CBY2: variants seen among roughly 807,000 people sequenced by gnomAD.
CBY2 encodes protein chibby homolog 2.
In CBY2, 23 loss-of-function variants were observed where a neutral mutation model predicts 25.3. The observed-to-expected ratio is 0.91, with a 90% CI of 0.65 to 1.29. The LOEUF (loss-of-function observed/expected upper bound fraction) is 1.29, where lower values mean the gene tolerates loss of function less well. Ranked by LOEUF, CBY2 falls within the 50% of genes most tolerant of loss-of-function variation. The probability of loss-of-function intolerance (pLI) is 0.00; values close to 1 mark genes in which losing one functional copy is unlikely to be tolerated. For missense variants in CBY2, 642 were observed against 590.7 expected, an observed-to-expected ratio of 1.09 and a Z score of -0.90; for synonymous variants, 279 against 260.2, an observed-to-expected ratio of 1.07 and a Z score of -0.70.
chr13:45,712,799 T>C (rs992322479), intron 2 of CBY2, among the ~76,000 whole-genome samples: 1 of 152,168 alleles, frequency 6.6e-6, no homozygotes, highest in Non-Finnish European at 1.5e-5. Context: ...TAGAGAAGTT[T>C]TGTTTGGGCA....
chr13:45,708,337 C>A (rs756529503), intron 2 of CBY2, among the ~76,000 whole-genome samples: 1 of 152,170 alleles, frequency 6.6e-6, no homozygotes, highest in African/African-American at 2.4e-5. Flanking sequence ...TTGCTGCCTG[C>A]GTTAATGCTT....
At position 45,714,525 on chromosome 13, in the gene CBY2, T is replaced by C; in HGVS notation, c.*153T>C. On this transcript the variant is annotated 3_prime_UTR_variant, in exon 3 of 3. Transcript: ENST00000310521. ...AGCCTTCCTAAACTCAGAGTTTTAA[T>C]AAAGGTGTGAGGAGGCTGGGGCCAG... The C allele has an allele frequency of 1.5e-6, 1 of 649,210 alleles. No individual in the cohort carries two copies. Among genetic ancestry groups the C allele is most frequent in the Admixed American group, 3.0e-5 (1 of 33,328 alleles). The allele number at this position is 649,210 out of a possible 1,614,324, so 40.2% of individuals were successfully genotyped here.
chr13:45,713,260 C>G lies in CBY2; in HGVS notation c.235C>G (p.Arg79Gly). ...CTGCGCGCAGCAGGCCGCCCTGCCCCGGCTGAGCCGCAGGATGGCGAGCCA... is the reference window on the plus strand; with the variant it reads ...CTGCGCGCAGCAGGCCGCCCTGCCCGGGCTGAGCCGCAGGATGGCGAGCCA... ...PRCAQQAALP[R>G]LSRRMASQHS... The change falls in exon 3 of 3, where the codon CGG becomes GGG. Residue 79 changes from arginine (R) to glycine (G), a missense_variant. Physicochemically the swap from Arg to Gly is moderately radical, Grantham distance 125. Transcript: ENST00000310521. This position sits in a 1 kb window ranked among gnomAD's most constrained non-coding sequence, Gnocchi z 5.0. 1 of 1,613,816 alleles carries G rather than the reference C, an allele frequency of 6.2e-7. No individual in the cohort carries two copies. The highest frequency in any genetic ancestry group is 8.5e-7 in the Non-Finnish European group (1 of 1,179,982).
chr13:45,713,904 C>A lies in CBY2; in HGVS notation c.879C>A (p.Ser293Arg). The A allele has an allele frequency of 6.5e-7, 1 of 1,534,618 alleles. No homozygotes were observed. Among genetic ancestry groups the A allele is most frequent in the Non-Finnish European group, 8.7e-7 (1 of 1,145,606 alleles). ...CCTCACCCCACGAGGAGCCCTGCAG[C>A]CCCGGGCTGCTGCAGGACCAGGGCT... The part of the protein sequence containing the change: ...PAPSPHEEPC[S>R]PGLLQDQGSG... Residue 293 changes from serine (S) to arginine (R), a missense_variant, in exon 3 of 3, where the codon AGC becomes AGA. Coordinates refer to ENST00000310521, the MANE Select transcript of CBY2 (RefSeq NM_152719.3). The surrounding 1 kb of genome is among the most constrained non-coding windows in gnomAD (Gnocchi z 5.0).
At chr13:45,709,832 A>G (rs1950259394) in intron 2 of CBY2, among the ~76,000 whole-genome samples, 1 of 152,182 alleles carries the variant, frequency 6.6e-6, no homozygotes, top group Non-Finnish European at 1.5e-5. Flanking sequence ...TGTTCCCCAA[A>G]GTACTGCAGG....
intron 2 of CBY2, among the ~76,000 whole-genome samples, chr13:45,712,847 G>A (rs1269891973): frequency 6.6e-6 from 1 of 152,188 alleles, no homozygotes; most frequent in Non-Finnish European, 1.5e-5. Flanking sequence ...TGATGTTAAT[G>A]AATCAACAAT....
Position 45,713,107 on chromosome 13 carries a change from C to T in CBY2, c.157-75C>T. 2.4e-6 allele frequency: 3 copies of T among 1,241,074 alleles called. No homozygotes were observed. Among genetic ancestry groups the T allele is most frequent in the Non-Finnish European group, 3.3e-6 (3 of 897,188 alleles). The allele number at this position is 1,241,074 out of a possible 1,614,324, so 76.9% of individuals were successfully genotyped here. On this transcript the variant is annotated intron_variant, in intron 2 of 2. Coordinates refer to ENST00000310521, the MANE Select transcript of CBY2 (RefSeq NM_152719.3). The surrounding 1 kb of genome is among the most constrained non-coding windows in gnomAD (Gnocchi z 5.0). The stretch of plus-strand genomic sequence containing the variant: ...CAGACGGGGCTTATTTGGGGATGTC[C>T]TGGCCCCTTTGTCAGCCAGCCCCAA...
chr13:45,712,585 G>A (rs552546028), intron 2 of CBY2, among the ~76,000 whole-genome samples: 1 of 152,324 alleles, frequency 6.6e-6, no homozygotes, highest in East Asian at 1.9e-4. Flanking sequence ...CAGCCAAGGA[G>A]CCTTCTTGTT....
chr13:45,708,723 T>A (rs973108191), intron 2 of CBY2, among the ~76,000 whole-genome samples: 20 of 152,244 alleles, frequency 1.3e-4, no homozygotes, highest in African/African-American at 4.3e-4. Context: ...AATATAGGTA[T>A]GTTTTCCCAT....
At position 45,713,210 on chromosome 13, in the gene CBY2, T is replaced by A. The variant is rs547022829; in HGVS notation, c.185T>A (p.Leu62His). 1 of 1,612,990 alleles carries A rather than the reference T, an allele frequency of 6.2e-7. No individual in the cohort carries two copies. Among genetic ancestry groups the A allele is most frequent in the African/African-American group, 1.3e-5 (1 of 75,026 alleles). Residue 62 changes from leucine to histidine, a missense_variant, in exon 3 of 3, where the codon CTC (leucine) becomes CAC (histidine). Transcript: ENST00000310521. This position sits in a 1 kb window ranked among gnomAD's most constrained non-coding sequence, Gnocchi z 5.0. The stretch of plus-strand genomic sequence containing the variant: ...GGCACAGCCGAACCCTTCCCGAGGC[T>A]CCACAACTTGTACAGCACCCCTCGC... ...QRGTAEPFPR[L>H]HNLYSTPRCA...
At chr13:45,703,312 G>A in intron 2 of CBY2, 1 of 1,382,954 alleles carries the variant, frequency 7.2e-7, no homozygotes, top group Non-Finnish European at 9.3e-7. Flanking sequence ...AGAGAATTAA[G>A]CCCTGCTATG....
rs111474719 is a variant in CBY2, at chr13:45,702,354, A to C, written c.-37A>C. 4.3e-5 allele frequency: 67 copies of C among 1,573,810 alleles called. No homozygotes were observed. The African/African-American group carries it at 7.4e-4, about 17-fold the overall frequency. On this transcript the variant is annotated 5_prime_UTR_variant, in exon 1 of 3. Coordinates refer to ENST00000310521, the MANE Select transcript of CBY2 (RefSeq NM_152719.3). ...ATTCCCACCTGTGATGCTCAGAGAG[A>C]AACCATGAGCCCTGAAAAACACCAT... is the stretch of plus-strand genomic sequence containing the variant.
In CBY2 at chr13:45,713,529, G is replaced by C; in HGVS notation, c.504G>C (p.Leu168=). The C allele has an allele frequency of 4.3e-6, 7 of 1,614,200 alleles. No homozygotes were observed. Among genetic ancestry groups the C allele is most frequent in the African/African-American group, 1.3e-5 (1 of 75,060 alleles). ...AGAGGCTGGCCAAGGAGTGCATGCT[G>C]CAGGAGGAGAACAAGTCTCTGCGGG... is the stretch of plus-strand genomic sequence containing the variant. ...HHKRLAKECM[L]QEENKSLREE... is the part of the protein sequence containing the mutation. The change falls in exon 3 of 3, where the codon CTG becomes CTC. Residue 168 remains leucine (L), a synonymous_variant. Transcript: ENST00000310521. The surrounding 1 kb of genome is among the most constrained non-coding windows in gnomAD (Gnocchi z 5.0).
Position 45,703,583 on chromosome 13 carries a change from A to T in CBY2, c.156+728A>T, listed in dbSNP as rs938556135. 5 of 1,550,880 alleles carry T rather than the reference A, an allele frequency of 3.2e-6. No individual in the cohort carries two copies. The Admixed American group carries it at 5.9e-5, about 18-fold the overall frequency. ...GTTGAAATGTAGGATGGAGGAATCC[A>T]ATGCAGAGGTAACTATCTGAGAGCT... On this transcript the variant is annotated intron_variant, in intron 2 of 2. Coordinates refer to ENST00000310521, the MANE Select transcript of CBY2 (RefSeq NM_152719.3).
intron 2 of CBY2, among the ~76,000 whole-genome samples, chr13:45,709,842 G>A (rs1415041006): frequency 6.6e-6 from 1 of 152,150 alleles, no homozygotes; most frequent in Non-Finnish European, 1.5e-5. Flanking sequence ...AGTACTGCAG[G>A]ACTTTTGATA....
intron 2 of CBY2, chr13:45,703,350 G>A (rs1950221989): frequency 2.1e-6 from 3 of 1,429,332 alleles, no homozygotes; most frequent in Middle Eastern, 2.6e-4. Flanking sequence ...GGGGCCATGG[G>A]CATAGATGCT....
chr13:45,703,667 T>A (rs1950224203), intron 2 of CBY2: 4 of 1,275,134 alleles, frequency 3.1e-6, no homozygotes, highest in Non-Finnish European at 4.4e-6. Flanking sequence ...TATATATAAT[T>A]GTAACAATCT....
chr13:45,703,250 G>A, intron 2 of CBY2: 1 of 1,293,114 alleles, frequency 7.7e-7, no homozygotes, highest in Non-Finnish European at 9.8e-7. Context: ...GAATCCATGA[G>A]AAGAAAACCT....
chr13:45,710,932 G>A lies in CBY2; in HGVS notation c.157-2250G>A, dbSNP rs549378984. On this transcript the variant is annotated intron_variant, in intron 2 of 2. Coordinates refer to ENST00000310521, the MANE Select transcript of CBY2 (RefSeq NM_152719.3). ...CAACTTTATATACCATGCAAATTGT[G>A]TTTCTCTCTCTACATACACCCACAC... 9.2e-5 allele frequency among the ~76,000 whole-genome samples: 14 copies of A among 152,248 alleles called. 1 individual carries two copies. The South Asian group carries it at 2.5e-3, about 27-fold the overall frequency.
Sources: allele counts gnomAD v4.1 joint callset (sites outside exome capture counted in the v4.1 genomes callset), GRCh38; gene constraint gnomAD v4.1.1; non-coding constraint Gnocchi (gnomAD v3.1); transcripts MANE v1.5; gene names NCBI Gene and HGNC (gene_info 2026-07-23, HGNC 2026-07-21).